NALF1: variants seen among roughly 807,000 people sequenced by gnomAD.
NALF1 encodes family with sequence similarity 155 member A.
Under a neutral mutation model 48.4 loss-of-function variants are expected in NALF1, and 3 were observed. The ratio of observed to expected loss-of-function variants is 0.06; its 90% CI spans 0.03 to 0.16. NALF1 has a LOEUF of 0.16. Ranked by LOEUF, NALF1 falls within the 10% of genes least tolerant of loss-of-function variation. The pLI is 1.00. For missense variants in NALF1, 526 were observed against 571.5 expected, an observed-to-expected ratio of 0.92 and a Z score of 0.81; for synonymous variants, 262 against 245.7, an observed-to-expected ratio of 1.07 and a Z score of -0.62.
intron 1 of NALF1, among the ~76,000 whole-genome samples, chr13:107,524,755 C>A (rs1876373291): frequency 6.6e-6 from 1 of 152,146 alleles, no homozygotes; most frequent in East Asian, 1.9e-4. Flanking sequence ...GTTTACTCGA[C>A]CTTGGCAATT....
intron 1 of NALF1, among the ~76,000 whole-genome samples, chr13:107,420,097 G>T (rs1176502362): frequency 6.6e-6 from 1 of 152,126 alleles, no homozygotes; most frequent in African/African-American, 2.4e-5. Flanking sequence ...TATGGCTACA[G>T]AATTCAATTT....
At chr13:107,619,239 G>A (rs546871385) in intron 1 of NALF1, among the ~76,000 whole-genome samples, 1 of 152,272 alleles carries the variant, frequency 6.6e-6, no homozygotes, top group African/African-American at 2.4e-5. Flanking sequence ...ATGTTTATGC[G>A]CTCAGGTCGG....
At chr13:107,359,144 T>C (rs961680167) in intron 1 of NALF1, among the ~76,000 whole-genome samples, 9 of 152,104 alleles carry the variant, frequency 5.9e-5, no homozygotes, top group Non-Finnish European at 1.2e-4. Flanking sequence ...TTATAATTTA[T>C]TCTTCTCTTT....
At chr13:107,718,604 C>T (rs892737647) in intron 1 of NALF1, among the ~76,000 whole-genome samples, 1 of 152,170 alleles carries the variant, frequency 6.6e-6, no homozygotes, top group Non-Finnish European at 1.5e-5. Flanking sequence ...GAGCACCAAA[C>T]AAAGAGTTGT....
chr13:107,389,270 A>G (rs571137545), intron 1 of NALF1, among the ~76,000 whole-genome samples: 2 of 152,294 alleles, frequency 1.3e-5, no homozygotes, highest in East Asian at 3.9e-4. Context: ...CCACAAAAAG[A>G]TATGTTCGGG....
chr13:107,738,076 G>A (rs1023021042), intron 1 of NALF1, among the ~76,000 whole-genome samples: 7 of 152,100 alleles, frequency 4.6e-5, no homozygotes, highest in African/African-American at 9.7e-5. Flanking sequence ...CTATTTTACT[G>A]CAGAAGTACA....
chr13:107,700,772 C>A (rs879448166), intron 1 of NALF1, among the ~76,000 whole-genome samples: 1 of 151,424 alleles, frequency 6.6e-6, no homozygotes, highest in Admixed American at 6.6e-5. Flanking sequence ...AGAACTCTTA[C>A]AACTCAACAG....
At chr13:107,761,665 T>C (rs1024710264) in intron 1 of NALF1, among the ~76,000 whole-genome samples, 2 of 152,320 alleles carry the variant, frequency 1.3e-5, no homozygotes, top group African/African-American at 4.8e-5. Context: ...GATGGAAACA[T>C]TTAATGCCTA....
At chr13:107,725,052 T>C (rs1876108562) in intron 1 of NALF1, among the ~76,000 whole-genome samples, 1 of 152,224 alleles carries the variant, frequency 6.6e-6, no homozygotes, top group African/African-American at 2.4e-5. Flanking sequence ...GTGTTTGTCT[T>C]ACTTCTGGAT....
intron 1 of NALF1, among the ~76,000 whole-genome samples, chr13:107,603,610 A>G (rs1878991485): frequency 6.6e-6 from 1 of 152,212 alleles, no homozygotes; most frequent in South Asian, 2.1e-4. Flanking sequence ...ATGAGTAATG[A>G]ACACATTAAC....
chr13:107,679,325 G>A (rs1182470333), intron 1 of NALF1, among the ~76,000 whole-genome samples: 2 of 151,908 alleles, frequency 1.3e-5, no homozygotes, highest in South Asian at 2.1e-4. Flanking sequence ...TCCTATGATA[G>A]GATACAAAGT....
chr13:107,853,356 T>C (rs951375603), intron 1 of NALF1, among the ~76,000 whole-genome samples: 1 of 152,226 alleles, frequency 6.6e-6, no homozygotes, highest in African/African-American at 2.4e-5. Flanking sequence ...AGAAAATTAA[T>C]TGACAAAACA....
At chr13:107,656,870 C>T (rs1880589970) in intron 1 of NALF1, among the ~76,000 whole-genome samples, 1 of 152,116 alleles carries the variant, frequency 6.6e-6, no homozygotes, top group South Asian at 2.1e-4. Context: ...TAGATGGAAT[C>T]GGAGACTACT....
At chr13:107,236,337 T>C (rs530789018) in intron 1 of NALF1, among the ~76,000 whole-genome samples, 75 of 152,198 alleles carry the variant, frequency 4.9e-4, no homozygotes, top group African/African-American at 1.5e-3. Context: ...ATCTCCCCTA[T>C]AGAGGAGTAA....
At chr13:107,631,151 C>A (rs1879823650) in intron 1 of NALF1, among the ~76,000 whole-genome samples, 2 of 152,126 alleles carry the variant, frequency 1.3e-5, no homozygotes, top group South Asian at 4.1e-4. Context: ...CTCACGCCAC[C>A]ACACCTGGCT....
At chr13:107,460,723 A>G (rs1884904117) in intron 1 of NALF1, among the ~76,000 whole-genome samples, 1 of 152,220 alleles carries the variant, frequency 6.6e-6, no homozygotes, top group African/African-American at 2.4e-5. Context: ...TTGATAATAC[A>G]TAGTCACTAT....
intron 1 of NALF1, among the ~76,000 whole-genome samples, chr13:107,648,430 G>GTAAT (rs1880367512): frequency 6.6e-6 from 1 of 152,128 alleles, no homozygotes; most frequent in South Asian, 2.1e-4. Flanking sequence ...TTGTAATCAT[G>GTAAT]CAGTACATAG....
At chr13:107,215,865 T>C (rs187786845) in intron 1 of NALF1, among the ~76,000 whole-genome samples, 1 of 152,312 alleles carries the variant, frequency 6.6e-6, no homozygotes, top group Non-Finnish European at 1.5e-5. Flanking sequence ...GGTCAGCTTC[T>C]CATTACTTTT....
intron 1 of NALF1, among the ~76,000 whole-genome samples, chr13:107,338,461 T>C (rs888746920): frequency 6.6e-6 from 1 of 152,244 alleles, no homozygotes; most frequent in Non-Finnish European, 1.5e-5. Context: ...ATAAAGTCAC[T>C]GGACTTAGTG....
Sources: allele counts gnomAD v4.1 joint callset (sites outside exome capture counted in the v4.1 genomes callset), GRCh38; gene constraint gnomAD v4.1.1; transcripts MANE v1.5; gene names NCBI Gene and HGNC (gene_info 2026-07-23, HGNC 2026-07-21).